ABHD17B: variants seen among roughly 807,000 people sequenced by gnomAD.
The protein encoded by ABHD17B is abhydrolase domain containing 17B, depalmitoylase.
ABHD17B carries 9 observed loss-of-function variants against 26.2 expected under a neutral mutation model. The observed-to-expected ratio is 0.34, with a 90% CI of 0.21 to 0.60. The LOEUF (loss-of-function observed/expected upper bound fraction) is 0.60. Ranked by LOEUF, ABHD17B falls within the 20% of genes least tolerant of loss-of-function variation. The pLI is 0.80. For synonymous variants in ABHD17B, 127 were observed against 122.3 expected, an observed-to-expected ratio of 1.04 and a Z score of -0.25; for missense variants, 224 against 352.1, an observed-to-expected ratio of 0.64 and a Z score of 2.91.
intron 1 of ABHD17B, among the ~76,000 whole-genome samples, chr9:71,888,576 C>A (rs1229494304): frequency 6.6e-6 from 1 of 151,970 alleles, no homozygotes; most frequent in East Asian, 1.9e-4. Flanking sequence ...ACAAATCTCA[C>A]AAAATTTAAG....
At chr9:71,886,421 CAA>C (rs5898239) in intron 1 of ABHD17B, among the ~76,000 whole-genome samples, 4,971 of 126,862 alleles carry the variant, frequency 0.039, 204 homozygotes, top group African/African-American at 0.11. Context: ...GACCCTGTCT[CAA>C]AAAAAAAAAA....
chr9:71,864,078 T>C (rs1825890015), downstream of ABHD17B, among the ~76,000 whole-genome samples: 1 of 152,126 alleles, frequency 6.6e-6, no homozygotes, highest in Admixed American at 6.5e-5. Context: ...TCCAGATTTT[T>C]TCATCTATAC....
At chr9:71,880,542 T>C (rs1564065398) in intron 1 of ABHD17B, among the ~76,000 whole-genome samples, 1 of 152,068 alleles carries the variant, frequency 6.6e-6, no homozygotes, top group African/African-American at 2.4e-5. Flanking sequence ...GATGATATAA[T>C]TACCCTGATA....
At chr9:71,898,535 A>G (rs1204702065) in intron 1 of ABHD17B, among the ~76,000 whole-genome samples, 1 of 151,790 alleles carries the variant, frequency 6.6e-6, no homozygotes, top group Admixed American at 6.6e-5. Flanking sequence ...ACTACTCAGG[A>G]GGCTGAGGCA....
chr9:71,869,061 G>C (rs556700934), intron 3 of ABHD17B, among the ~76,000 whole-genome samples: 2 of 152,228 alleles, frequency 1.3e-5, no homozygotes, highest in East Asian at 3.9e-4. Flanking sequence ...GGAGACATAA[G>C]TTGACAACAA....
chr9:71,908,413 AG>A, intron 1 of ABHD17B, among the ~76,000 whole-genome samples: 1 of 150,826 alleles, frequency 6.6e-6, no homozygotes, highest in East Asian at 1.9e-4. Flanking sequence ...AAAAAAAAAA[AG>A]GCCACAAACT....
Position 71,874,722 on chromosome 9 carries a change from C to A in ABHD17B, c.359G>T (p.Cys120Phe). The change falls in exon 2 of 4, where the codon TGT becomes TTT. Residue 120 changes from cysteine to phenylalanine, a missense_variant. Coordinates refer to ENST00000333421, the MANE Select transcript of ABHD17B (RefSeq NM_001025780.3). The part of the protein sequence containing the change: ...FYIGLGSRIN[C>F]NIFSYDYSGY... ...AGAATAATCATATGAGAATATATTACAATTAATCCGTGATCCTAGTCCTAT... is the reference window on the plus strand; with the variant it reads ...AGAATAATCATATGAGAATATATTAAAATTAATCCGTGATCCTAGTCCTAT... 1 of 1,614,122 alleles carries A rather than the reference C, an allele frequency of 6.2e-7. No homozygotes were observed. The highest frequency in any genetic ancestry group is 8.5e-7 in the Non-Finnish European group (1 of 1,180,004).
chr9:71,883,643 T>G (rs1423355444), intron 1 of ABHD17B, among the ~76,000 whole-genome samples: 1 of 152,294 alleles, frequency 6.6e-6, no homozygotes, highest in East Asian at 1.9e-4. Context: ...TTCTCTTAAA[T>G]GAAAAATGTC....
At chr9:71,902,956 T>A (rs998928947) in intron 1 of ABHD17B, among the ~76,000 whole-genome samples, 1 of 152,194 alleles carries the variant, frequency 6.6e-6, no homozygotes, top group Non-Finnish European at 1.5e-5. Flanking sequence ...TACTTCAAGT[T>A]TCTTGTGATT....
chr9:71,888,121 C>T (rs1826667198), intron 1 of ABHD17B, among the ~76,000 whole-genome samples: 1 of 152,322 alleles, frequency 6.6e-6, no homozygotes, highest in East Asian at 1.9e-4. Flanking sequence ...TCTTGATGAT[C>T]CACCAGAGCA....
downstream of ABHD17B, chr9:71,862,576 GAA>G: frequency 6.6e-7 from 1 of 1,521,538 alleles, no homozygotes; most frequent in Non-Finnish European, 9.1e-7. Context: ...TAGACCTTGA[GAA>G]AATCACTTCC....
In ABHD17B at chr9:71,874,878, C is replaced by G; in HGVS notation, c.203G>C (p.Cys68Ser). ...GCCTTTACTGGTTCTAGTCATGAAA[C>G]ACTCAATAGCATCTTTTTCTCTAGA... ...YSSREKDAIE[C>S]FMTRTSKGNR... Residue 68 changes from cysteine (C) to serine (S), a missense_variant, in exon 2 of 4, where the codon TGT (cysteine) becomes TCT (serine). Coordinates refer to ENST00000333421, the MANE Select transcript of ABHD17B (RefSeq NM_001025780.3). 6.2e-7 allele frequency: 1 copy of G among 1,614,158 alleles called. No homozygotes were observed. The highest frequency in any genetic ancestry group is 8.5e-7 in the Non-Finnish European group (1 of 1,180,034).
intron 1 of ABHD17B, among the ~76,000 whole-genome samples, chr9:71,879,199 G>A (rs549285189): frequency 3.5e-4 from 54 of 152,158 alleles, no homozygotes; most frequent in African/African-American, 1.3e-3. Flanking sequence ...AATCCCAAGG[G>A]ACTTCTATGA....
At chr9:71,877,837 A>G (rs1253811801) in intron 1 of ABHD17B, among the ~76,000 whole-genome samples, 2 of 152,198 alleles carry the variant, frequency 1.3e-5, no homozygotes, top group African/African-American at 4.8e-5. Flanking sequence ...AGAAAGGAGA[A>G]AAACTGCAGT....
At position 71,870,176 on chromosome 9, in the gene ABHD17B, C is replaced by T; in HGVS notation, c.554G>A (p.Ser185Asn). ...AGGAGAATGAAGAATAACAGCAGCA[C>T]TCTCATATCGAGCAGCAAGATCCAC... ...PSVDLAARYESAAVILHSPLT... is the reference protein window; with the variant it reads ...PSVDLAARYENAAVILHSPLT... The change falls in exon 3 of 4, where the codon AGT (serine) becomes AAT (asparagine). Residue 185 changes from serine to asparagine, a missense_variant. Coordinates refer to ENST00000333421, the MANE Select transcript of ABHD17B (RefSeq NM_001025780.3). 6.2e-7 allele frequency: 1 copy of T among 1,614,070 alleles called. No homozygotes were observed. The highest frequency in any genetic ancestry group is 8.5e-7 in the Non-Finnish European group (1 of 1,179,952).
At position 71,874,969 on chromosome 9, in the gene ABHD17B, T is replaced by A; in HGVS notation, c.112A>T (p.Met38Leu). The change falls in exon 2 of 4, where the codon ATG becomes TTG. Residue 38 changes from methionine (M) to leucine (L), a missense_variant. Physicochemically the swap from Met to Leu is conservative, Grantham distance 15. Transcript: ENST00000333421. ...FLPPDPTYTL[M>L]CDESGSRWTL... ...CAACGGCTTCCGCTTTCATCACACATCAGTGTGTAAGTTGGATCAGGTGGC... is the reference window on the plus strand; with the variant it reads ...CAACGGCTTCCGCTTTCATCACACAACAGTGTGTAAGTTGGATCAGGTGGC... 1 of 1,614,148 alleles carries A rather than the reference T, an allele frequency of 6.2e-7. No individual in the cohort carries two copies. Among genetic ancestry groups the A allele is most frequent in the South Asian group, 1.1e-5 (1 of 91,080 alleles).
chr9:71,869,985 G>T, intron 3 of ABHD17B, 98 bp downstream of exon 3: 1 of 1,092,800 alleles, frequency 9.2e-7, no homozygotes, highest in Non-Finnish European at 1.3e-6. Context: ...TATATAAAAT[G>T]AAGTTTATGG....
intron 2 of ABHD17B, 94 bp downstream of exon 2, chr9:71,874,520 A>T: frequency 1.1e-6 from 1 of 945,472 alleles, no homozygotes. Flanking sequence ...TATAGCAGTT[A>T]TGTATAATAA....
chr9:71,893,463 T>A (rs1046436253), intron 1 of ABHD17B, among the ~76,000 whole-genome samples: 2 of 152,184 alleles, frequency 1.3e-5, no homozygotes, highest in African/African-American at 4.8e-5. Flanking sequence ...TTTACCAGTT[T>A]ATTATAAAGG....
Sources: gnomAD v4.1 joint callset for allele counts (sites outside exome capture counted in the v4.1 genomes callset) on GRCh38, gnomAD v4.1.1 for gene constraint, MANE v1.5 for transcripts, NCBI Gene and HGNC (gene_info 2026-07-23, HGNC 2026-07-21) for gene names.